The following SELENOV variants were observed in gnomAD, a reference collection of about 807,000 sequenced individuals.
The protein encoded by SELENOV is selenoprotein V.
Under a neutral mutation model 21.6 loss-of-function variants are expected in SELENOV, and 25 were observed. The observed-to-expected ratio is 1.16, with a 90% CI of 0.84 to 1.62. The LOEUF (loss-of-function observed/expected upper bound fraction) is 1.62, where lower values mean the gene tolerates loss of function less well. Ranked by LOEUF, SELENOV falls within the 40% of genes most tolerant of loss-of-function variation. SELENOV has a pLI of 0.00. For missense variants in SELENOV, 472 were observed against 459.0 expected (o/e 1.03, Z -0.26); for synonymous variants, 227 against 216.9 (o/e 1.05, Z -0.41).
At chr19:39,520,240 G>C (rs1299164941) in exon 6 of SELENOV, 1 of 152,454 alleles carries the variant, frequency 6.6e-6, no homozygotes. Flanking sequence ...GGGAGGGGAA[G>C]AGGAGAATAC....
At chr19:39,519,687 C>T (rs1320327882) in intron 5 of SELENOV, among the ~76,000 whole-genome samples, 3 of 150,768 alleles carry the variant, frequency 2.0e-5, no homozygotes, top group East Asian at 1.9e-4. Context: ...AAAAAAGTGC[C>T]GGGCGGGATG....
chr19:39,518,585 C>T, intron 1 of SELENOV, 23 bp from the exon 2 acceptor site: 1 of 1,589,896 alleles, frequency 6.3e-7, no homozygotes. Flanking sequence ...TCTTAACTTT[C>T]TCCTCCTGCT....
intron 1 of SELENOV, among the ~76,000 whole-genome samples, chr19:39,516,791 G>A (rs1337107012): frequency 6.6e-6 from 1 of 151,734 alleles, no homozygotes; most frequent in East Asian, 1.9e-4. Flanking sequence ...TGCCTCCCGG[G>A]TTCAAGCAAT....
At chr19:39,517,325 A>C (rs55715307) in intron 1 of SELENOV, among the ~76,000 whole-genome samples, 1,903 of 151,834 alleles carry the variant, frequency 0.013, 35 homozygotes, top group African/African-American at 0.043. Flanking sequence ...TTCACCACCC[A>C]CCATGTTCCA....
exon 3 of SELENOV, chr19:39,518,753 A>G (rs772247170): frequency 1.1e-5 from 17 of 1,613,720 alleles, no homozygotes; most frequent in Non-Finnish European, 1.4e-5. Flanking sequence ...ATTCTACTGA[A>G]AAAGAGCCTG....
intron 5 of SELENOV, among the ~76,000 whole-genome samples, 182 bp from the exon 6 acceptor site, chr19:39,519,964 C>CAAAAAAAAAAAAAAA (rs5828040): frequency 5.2e-5 from 4 of 76,926 alleles, no homozygotes; most frequent in Admixed American, 1.7e-4. Context: ...GACTCTGTCT[C>CAAAAAAAAAAAAAAA]AAAAAAAAAA....
At chr19:39,519,092 G>A (rs1252506506) in exon 5 of SELENOV, 3 of 1,613,666 alleles carry the variant, frequency 1.9e-6, no homozygotes, top group African/African-American at 2.7e-5. Context: ...CTTTGTGAAC[G>A]AGTCCAGGCT....
chr19:39,516,640 A>G (rs945233718), intron 1 of SELENOV, among the ~76,000 whole-genome samples: 1 of 148,068 alleles, frequency 6.8e-6, no homozygotes, highest in African/African-American at 2.5e-5. Context: ...CGATCTTCCC[A>G]CCTCAGCCTC....
At position 39,515,485 on chromosome 19, in the gene SELENOV, C is replaced by T. The variant is rs949577030; in HGVS notation, c.273C>T (p.Ala91=). The change falls in exon 1 of 6, where the codon GCC becomes GCT. Residue 91 remains alanine, a synonymous_variant. Transcript: ENST00000335426. The surrounding 1 kb of genome is among the most constrained non-coding windows in gnomAD (Gnocchi z 5.1). ...GTCTGGTTCCGCCTCCTGCTCCGGC[C>T]TGGATCCCTACTCCGGTGCCGACTC... 2.6e-6 allele frequency: 4 copies of T among 1,551,262 alleles called. No individual in the cohort carries two copies. In the African/African-American group the frequency reaches 4.1e-5, roughly 16 times the overall value.
chr19:39,515,284 G>A lies in SELENOV; in HGVS notation c.72G>A (p.Pro24=). 5 of 1,550,928 alleles carry A rather than the reference G, an allele frequency of 3.2e-6. No individual in the cohort carries two copies. The highest frequency in any genetic ancestry group is 4.4e-6 in the Non-Finnish European group (5 of 1,146,854). Residue 24 remains proline, a synonymous_variant, in exon 1 of 6, where the codon CCG becomes CCA. Transcript: ENST00000335426. This position sits in a 1 kb window ranked among gnomAD's most constrained non-coding sequence, Gnocchi z 5.1. ...CAACCTCAGTCCGGGCTTCTACCCCGACCCGGACACCGACTCCACTCCGGA... is the reference window on the plus strand; with the variant it reads ...CAACCTCAGTCCGGGCTTCTACCCCAACCCGGACACCGACTCCACTCCGGA...
Position 39,515,962 on chromosome 19 carries a change from C to A in SELENOV, c.750C>A (p.Phe250Leu), listed in dbSNP as rs2079694976. ...CCTTACAGAATTGTACGGAAACCTT[C>A]CCCTCCTCCAGCGAGAACTTCGCGC... The change falls in exon 1 of 6, where the codon TTC becomes TTA. Residue 250 changes from phenylalanine (F) to leucine (L), a missense_variant. Transcript: ENST00000335426. The surrounding 1 kb of genome is among the most constrained non-coding windows in gnomAD (Gnocchi z 5.1). 1.2e-6 allele frequency: 2 copies of A among 1,608,092 alleles called. No individual in the cohort carries two copies. Among genetic ancestry groups the A allele is most frequent in the Non-Finnish European group, 1.7e-6 (2 of 1,177,882 alleles).
intron 5 of SELENOV, among the ~76,000 whole-genome samples, 182 bp from the exon 6 acceptor site, chr19:39,519,964 C>CAAAAAAAAAAAAAA (rs5828040): frequency 1.3e-5 from 1 of 76,928 alleles, no homozygotes; most frequent in Non-Finnish European, 2.4e-5. Context: ...GACTCTGTCT[C>CAAAAAAAAAAAAAA]AAAAAAAAAA....
intron 1 of SELENOV, 176 bp from the exon 2 acceptor site, chr19:39,518,432 C>T (rs1402272374): frequency 1.4e-5 from 9 of 659,690 alleles, no homozygotes; most frequent in Non-Finnish European, 2.5e-5. Flanking sequence ...GGCTTGCAGG[C>T]CACGGGAAGG....
intron 1 of SELENOV, among the ~76,000 whole-genome samples, chr19:39,517,914 G>C (rs1395748471): frequency 7.5e-6 from 1 of 133,736 alleles, no homozygotes; most frequent in Non-Finnish European, 1.5e-5. Context: ...GCAGTGAGCC[G>C]AGATCGCACC....
At chr19:39,516,163 T>C (rs763267113) in intron 1 of SELENOV, 142 bp downstream of exon 1, 15 of 750,968 alleles carry the variant, frequency 2.0e-5, no homozygotes, top group Non-Finnish European at 3.3e-5. Flanking sequence ...AGTTCCCAGA[T>C]TGGAAACCCG....
At position 39,515,963 on chromosome 19, in the gene SELENOV, C is replaced by T. The variant is rs2079694996; in HGVS notation, c.751C>T (p.Pro251Ser). The change falls in exon 1 of 6, where the codon CCC becomes TCC. Residue 251 changes from proline (P) to serine (S), a missense_variant. Transcript: ENST00000335426. This position sits in a 1 kb window ranked among gnomAD's most constrained non-coding sequence, Gnocchi z 5.1. ...CTTACAGAATTGTACGGAAACCTTC[C>T]CCTCCTCCAGCGAGAACTTCGCGCT... 1 of 1,608,040 alleles carries T rather than the reference C, an allele frequency of 6.2e-7. No individual in the cohort carries two copies. The highest frequency in any genetic ancestry group is 8.5e-7 in the Non-Finnish European group (1 of 1,177,866).
chr19:39,516,037 A>T lies in SELENOV; in HGVS notation c.809+16A>T. The T allele has an allele frequency of 6.4e-7, 1 of 1,563,638 alleles. No homozygotes were observed. The highest frequency in any genetic ancestry group is 8.7e-7 in the Non-Finnish European group (1 of 1,154,064). On this transcript the variant is annotated intron_variant, in intron 1 of 5. Transcript: ENST00000335426. Reference sequence around the variant, plus strand: ...TGACCTACTGGTGAGGACCTCACACATGCCTCTCCCAACCCCCGGGGACAG... The same window carrying T: ...TGACCTACTGGTGAGGACCTCACACTTGCCTCTCCCAACCCCCGGGGACAG...
At position 39,515,775 on chromosome 19, in the gene SELENOV, C is replaced by G; in HGVS notation, c.563C>G (p.Ala188Gly). Reference sequence around the variant, plus strand: ...TCGGTCTCCAGCGAGGCCGGGCCCGCCCCGGGGCCCCTTCCCACGCGCACC... The same window carrying G: ...TCGGTCTCCAGCGAGGCCGGGCCCGGCCCGGGGCCCCTTCCCACGCGCACC... The change falls in exon 1 of 6, where the codon GCC becomes GGC. Residue 188 changes from alanine to glycine, a missense_variant. Ala to Gly is a moderately conservative substitution (Grantham distance 60, BLOSUM62 0). Coordinates refer to ENST00000335426, the Ensembl canonical transcript of SELENOV. The surrounding 1 kb of genome is among the most constrained non-coding windows in gnomAD (Gnocchi z 5.1). The G allele has an allele frequency of 6.5e-7, 1 of 1,549,244 alleles. No individual in the cohort carries two copies. The highest frequency in any genetic ancestry group is 1.2e-5 in the South Asian group (1 of 83,978).
chr19:39,515,320 G>C lies in SELENOV; in HGVS notation c.108G>C (p.Pro36=). ...CGACTCCACTCCGGACCCCGACTCCGGTCCGGACTCGGACCCCCATCCGGA... is the reference window on the plus strand; with the variant it reads ...CGACTCCACTCCGGACCCCGACTCCCGTCCGGACTCGGACCCCCATCCGGA... Residue 36 remains proline, a synonymous_variant, in exon 1 of 6, where the codon CCG becomes CCC. Coordinates refer to ENST00000335426, the Ensembl canonical transcript of SELENOV. The surrounding 1 kb of genome is among the most constrained non-coding windows in gnomAD (Gnocchi z 5.1). 1 of 1,551,236 alleles carries C rather than the reference G, an allele frequency of 6.4e-7. No homozygotes were observed. Among genetic ancestry groups the C allele is most frequent in the Non-Finnish European group, 8.7e-7 (1 of 1,146,870 alleles).
Sources: gnomAD v4.1 joint callset for allele counts (sites outside exome capture counted in the v4.1 genomes callset) on GRCh38, gnomAD v4.1.1 for gene constraint, Gnocchi (gnomAD v3.1) non-coding constraint, MANE v1.5 for transcripts, NCBI Gene and HGNC (gene_info 2026-07-23, HGNC 2026-07-21) for gene names.